The following CADPS variants were observed in gnomAD, a reference collection of about 807,000 sequenced individuals.
CADPS encodes calcium-dependent secretion activator 1.
Under a neutral mutation model 167.3 loss-of-function variants are expected in CADPS, and 57 were observed. The observed-to-expected ratio is 0.34, with a 90% CI of 0.28 to 0.42. The LOEUF (loss-of-function observed/expected upper bound fraction) is 0.42, where lower values mean the gene tolerates loss of function less well. Ranked by LOEUF, CADPS falls within the 20% of genes least tolerant of loss-of-function variation. The probability of loss-of-function intolerance (pLI) is 1.00; values close to 1 mark genes in which losing one functional copy is unlikely to be tolerated. For missense variants in CADPS, 1,414 were observed against 1,738.1 expected, an observed-to-expected ratio of 0.81 and a Z score of 3.32; for synonymous variants, 676 against 635.3, an observed-to-expected ratio of 1.06 and a Z score of -0.96.
chr3:62,714,110 T>C (rs574983194), intron 3 of CADPS, among the ~76,000 whole-genome samples: 11 of 152,246 alleles, frequency 7.2e-5, no homozygotes, highest in African/African-American at 2.6e-4. Flanking sequence ...AAAACATCTG[T>C]TCAATACCAA....
chr3:62,725,999 G>T (rs538579), intron 3 of CADPS, among the ~76,000 whole-genome samples: 1 of 151,490 alleles, frequency 6.6e-6, no homozygotes, highest in African/African-American at 2.4e-5. Flanking sequence ...TCACATGGTG[G>T]CAAACCGCCT....
intron 1 of CADPS, among the ~76,000 whole-genome samples, chr3:62,828,484 C>T (rs80317900): frequency 0.018 from 2,776 of 152,148 alleles, 35 homozygotes; most frequent in East Asian, 0.066. Context: ...TTTGCCATAA[C>T]GGCTTGAAAA....
intron 1 of CADPS, among the ~76,000 whole-genome samples, chr3:62,870,426 G>GACTACTA (rs2082417614): frequency 6.6e-6 from 1 of 152,066 alleles, no homozygotes; most frequent in African/African-American, 2.4e-5. Context: ...CTAGCACTAG[G>GACTACTA]TCTTTTTATG....
chr3:62,420,752 G>A lies in CADPS; in HGVS notation c.3777+17352C>T, dbSNP rs972876110. The stretch of plus-strand genomic sequence containing the variant: ...TGTACAGCTGGGTTCTGCCTCCAAT[G>A]GCGCCCTTTCCTCTTGCTTTATTTT... On this transcript the variant is annotated intron_variant, in intron 28 of 29. Coordinates refer to ENST00000383710, the MANE Select transcript of CADPS (RefSeq NM_003716.4). This position sits in a 1 kb window ranked among gnomAD's most constrained non-coding sequence, Gnocchi z 4.1. 3.9e-5 allele frequency among the ~76,000 whole-genome samples: 6 copies of A among 152,012 alleles called. No homozygotes were observed. The highest frequency in any genetic ancestry group is 1.2e-4 in the African/African-American group (5 of 41,378).
chr3:62,691,843 T>C (rs922847878), intron 3 of CADPS, among the ~76,000 whole-genome samples: 20 of 151,994 alleles, frequency 1.3e-4, no homozygotes, highest in African/African-American at 4.6e-4. Context: ...AATACCTTGG[T>C]GATGGGTTGA....
At chr3:62,820,395 T>C (rs1333526636) in intron 1 of CADPS, among the ~76,000 whole-genome samples, 1 of 152,196 alleles carries the variant, frequency 6.6e-6, no homozygotes, top group Non-Finnish European at 1.5e-5. Flanking sequence ...TCCAGATTCA[T>C]GGTACATGAC....
rs182851378 is a variant in CADPS at position 62,457,867 on chromosome 3, T to C, written c.3636+7500A>G. 2.6e-5 allele frequency among the ~76,000 whole-genome samples: 4 copies of C among 152,008 alleles called. No homozygotes were observed. The East Asian group carries it at 7.7e-4, about 29-fold the overall frequency. ...ACCAAACACCGCGTTTTCTCATAAG[T>C]GGGAGTTGAACAATGAGAACACATG... is the stretch of plus-strand genomic sequence containing the variant. On this transcript the variant is annotated intron_variant, in intron 26 of 29. Coordinates refer to ENST00000383710, the MANE Select transcript of CADPS (RefSeq NM_003716.4).
intron 24 of CADPS, chr3:62,473,623 A>G (rs2060887988): frequency 6.6e-6 from 1 of 152,190 alleles, no homozygotes; most frequent in Non-Finnish European, 1.5e-5. Context: ...GCAAAGGACT[A>G]AACTTTTGGT....
intron 1 of CADPS, among the ~76,000 whole-genome samples, chr3:62,786,378 C>G (rs1372839407): frequency 2.6e-5 from 4 of 151,480 alleles, no homozygotes; most frequent in Admixed American, 6.6e-5. Context: ...ATAAAAATCT[C>G]TAATGGTAAT....
At chr3:62,716,914 G>C (rs2084772073) in intron 3 of CADPS, among the ~76,000 whole-genome samples, 2 of 152,128 alleles carry the variant, frequency 1.3e-5, no homozygotes, top group South Asian at 4.1e-4. Context: ...TGGTTCATAA[G>C]ATCAACGTTA....
chr3:62,522,731 A>T (rs2071003581), intron 13 of CADPS, among the ~76,000 whole-genome samples: 1 of 152,218 alleles, frequency 6.6e-6, no homozygotes, highest in African/African-American at 2.4e-5. Context: ...ACACATACAC[A>T]CATGAGCACA....
At chr3:62,817,314 C>T (rs1035107320) in intron 1 of CADPS, among the ~76,000 whole-genome samples, 4 of 152,094 alleles carry the variant, frequency 2.6e-5, no homozygotes, top group Admixed American at 6.6e-5. Flanking sequence ...TGGTGAGCAT[C>T]GCAAATCAAT....
chr3:62,472,642 T>C (rs997186727), intron 24 of CADPS, among the ~76,000 whole-genome samples: 1 of 152,230 alleles, frequency 6.6e-6, no homozygotes, highest in Non-Finnish European at 1.5e-5. Context: ...TTGTGTCACA[T>C]GCTGGCCTTC....
At chr3:62,568,230 T>C (rs923676398) in intron 9 of CADPS, among the ~76,000 whole-genome samples, 3 of 152,170 alleles carry the variant, frequency 2.0e-5, no homozygotes, top group Non-Finnish European at 2.9e-5. Context: ...CTTGATTGGA[T>C]TGAAGGATGC....
chr3:62,811,703 C>A (rs2094402577), intron 1 of CADPS, among the ~76,000 whole-genome samples: 1 of 152,198 alleles, frequency 6.6e-6, no homozygotes, highest in Non-Finnish European at 1.5e-5. Context: ...ATTCACAATT[C>A]TTTCATACAG....
At chr3:62,473,017 T>C (rs768852983) in intron 24 of CADPS, among the ~76,000 whole-genome samples, 1 of 152,098 alleles carries the variant, frequency 6.6e-6, no homozygotes, top group Non-Finnish European at 1.5e-5. Flanking sequence ...AATTCTTGGG[T>C]GAGACTCAAT....
chr3:62,650,280 A>G (rs1384729768), intron 5 of CADPS, among the ~76,000 whole-genome samples: 3 of 152,212 alleles, frequency 2.0e-5, no homozygotes, highest in Non-Finnish European at 4.4e-5. Flanking sequence ...ACATAGGTAG[A>G]TCAGAACTAC....
At position 62,841,319 on chromosome 3, in the gene CADPS, A is replaced by T. The variant is rs754585010; in HGVS notation, c.441+33270T>A. Reference sequence around the variant, plus strand: ...CCTCACAGTGATATGTGCAGAGGACATGTGCACATTCACACAGTGCATGGG... The same window carrying T: ...CCTCACAGTGATATGTGCAGAGGACTTGTGCACATTCACACAGTGCATGGG... On this transcript the variant is annotated intron_variant, in intron 1 of 29. Coordinates refer to ENST00000383710, the MANE Select transcript of CADPS (RefSeq NM_003716.4). Among the ~76,000 whole-genome samples, 11 of 152,336 alleles carry T rather than the reference A, an allele frequency of 7.2e-5. 1 individual carries two copies. The South Asian group carries it at 1.9e-3, about 26-fold the overall frequency.
intron 1 of CADPS, among the ~76,000 whole-genome samples, chr3:62,794,501 C>T (rs1413801304): frequency 2.6e-5 from 4 of 152,040 alleles, no homozygotes; most frequent in South Asian, 2.1e-4. Flanking sequence ...AGGTAGTGTT[C>T]GAACTCAGGA....
Sources: gnomAD v4.1 joint callset for allele counts (sites outside exome capture counted in the v4.1 genomes callset) on GRCh38, gnomAD v4.1.1 for gene constraint, Gnocchi (gnomAD v3.1) non-coding constraint, MANE v1.5 for transcripts, NCBI Gene and HGNC (gene_info 2026-07-23, HGNC 2026-07-21) for gene names.